The following RBFOX1 variants were observed in gnomAD, a reference collection of about 807,000 sequenced individuals.
The protein encoded by RBFOX1 is RNA binding protein fox-1 homolog 1.
Under a neutral mutation model 57.7 loss-of-function variants are expected in RBFOX1, and 8 were observed. The observed-to-expected ratio is 0.14, with a 90% CI of 0.08 to 0.25. The LOEUF (loss-of-function observed/expected upper bound fraction) is 0.25. Among genes scored for constraint, RBFOX1 ranks in the 10% least tolerant of loss-of-function variants. The pLI is 1.00. For synonymous variants in RBFOX1, 326 were observed against 222.4 expected, an observed-to-expected ratio of 1.47 and a Z score of -4.15; for missense variants, 611 against 548.5, an observed-to-expected ratio of 1.11 and a Z score of -1.14.
chr16:6,361,547 G>C (rs1231999591), intron 2 of RBFOX1, among the ~76,000 whole-genome samples: 2 of 151,606 alleles, frequency 1.3e-5, no homozygotes, highest in Non-Finnish European at 2.9e-5. Flanking sequence ...AGAATCGCTT[G>C]AACCCAGGAG....
chr16:7,146,476 G>C (rs1255911792), intron 4 of RBFOX1, among the ~76,000 whole-genome samples: 1 of 152,176 alleles, frequency 6.6e-6, no homozygotes, highest in Non-Finnish European at 1.5e-5. Context: ...ATGAACAAAG[G>C]TGGTCTTCAG....
At chr16:6,310,453 G>A (rs11077028) in intron 1 of RBFOX1, among the ~76,000 whole-genome samples, 10,979 of 152,224 alleles carry the variant, frequency 0.072, 454 homozygotes, top group African/African-American at 0.098. Flanking sequence ...TAGGCGTAGC[G>A]CTTGGCTGTT....
intron 3 of RBFOX1, among the ~76,000 whole-genome samples, chr16:5,717,846 G>A (rs901595487): frequency 2.6e-5 from 4 of 152,300 alleles, no homozygotes; most frequent in Admixed American, 2.6e-4. Flanking sequence ...AGATAGATAG[G>A]TATTTTTGAC....
chr16:5,268,625 C>T (rs1408669317), intron 1 of RBFOX1, among the ~76,000 whole-genome samples: 1 of 152,192 alleles, frequency 6.6e-6, no homozygotes. Flanking sequence ...GCCATTTGCA[C>T]TGGGAGCCAT....
chr16:5,913,837 C>G (rs1036481801), intron 4 of RBFOX1, among the ~76,000 whole-genome samples: 1 of 152,220 alleles, frequency 6.6e-6, no homozygotes, highest in Non-Finnish European at 1.5e-5. Flanking sequence ...GTCTTCGTAC[C>G]TATCATGTAC....
At chr16:5,386,775 G>C (rs184812017) in intron 1 of RBFOX1, among the ~76,000 whole-genome samples, 34 of 152,318 alleles carry the variant, frequency 2.2e-4, no homozygotes, top group African/African-American at 7.5e-4. Context: ...TTTGGGCCAG[G>C]CGTGGTGGCT....
intron 1 of RBFOX1, among the ~76,000 whole-genome samples, chr16:5,345,394 C>A (rs1238042955): frequency 6.6e-6 from 1 of 152,174 alleles, no homozygotes; most frequent in African/African-American, 2.4e-5. Flanking sequence ...CCATTCAAAC[C>A]CAACTAAAGC....
intron 3 of RBFOX1, among the ~76,000 whole-genome samples, chr16:5,822,759 T>C (rs1015904814): frequency 2.0e-5 from 3 of 152,134 alleles, no homozygotes; most frequent in Non-Finnish European, 4.4e-5. Context: ...TTGGAAGGAA[T>C]TGGAGATGGT....
rs9936387 is a variant in RBFOX1 at position 7,589,764 on chromosome 16, T to G, written c.468+2464T>G. ...TTAATGGTTCAGAAACCTGAACTGTTGCTATGGCCTCATTTTCATCGTTTG... is the reference window on the plus strand; with the variant it reads ...TTAATGGTTCAGAAACCTGAACTGTGGCTATGGCCTCATTTTCATCGTTTG... On this transcript the variant is annotated intron_variant, in intron 7 of 15. Transcript: ENST00000550418. Among the ~76,000 whole-genome samples the G allele has an allele frequency of 4.9e-3, 740 of 152,180 alleles. 8 individuals are homozygous for G. The highest frequency in any genetic ancestry group is 0.017 in the African/African-American group (697 of 41,522).
intron 2 of RBFOX1, among the ~76,000 whole-genome samples, chr16:6,395,574 C>T (rs11864527): frequency 0.091 from 12,328 of 135,430 alleles, 983 homozygotes; most frequent in African/African-American, 0.25. Context: ...TGTGAAAAAA[C>T]ATATAATTAT....
chr16:6,632,470 A>G lies in RBFOX1; in HGVS notation c.-63-22133A>G, dbSNP rs368842954. On this transcript the variant is annotated intron_variant, in intron 2 of 15. Coordinates refer to ENST00000550418, the MANE Select transcript of RBFOX1 (RefSeq NM_018723.4). ...GTGGTTATGAGGATAGTGTTACAGT[A>G]TTTCCTTGGCTAAGTGTCTGTGGCT... Among the ~76,000 whole-genome samples, 33 of 152,326 alleles carry G rather than the reference A, an allele frequency of 2.2e-4. 1 individual carries two copies. In the East Asian group the frequency reaches 5.2e-3, roughly 24 times the overall value.
At chr16:6,492,627 T>G (rs1391254725) in intron 2 of RBFOX1, among the ~76,000 whole-genome samples, 1 of 152,186 alleles carries the variant, frequency 6.6e-6, no homozygotes, top group Non-Finnish European at 1.5e-5. Flanking sequence ...ACCCAGCCTT[T>G]CTGCCTCTGG....
intron 2 of RBFOX1, among the ~76,000 whole-genome samples, chr16:6,559,924 C>T (rs77729130): frequency 0.029 from 4,412 of 152,144 alleles, 231 homozygotes; most frequent in African/African-American, 0.095. Flanking sequence ...ATTAATTGAA[C>T]TCATATTGCA....
At chr16:6,840,084 G>A (rs1281374380) in intron 3 of RBFOX1, among the ~76,000 whole-genome samples, 3 of 152,050 alleles carry the variant, frequency 2.0e-5, no homozygotes, top group African/African-American at 7.2e-5. Context: ...AAATTAAAAT[G>A]CTGATCAGTA....
intron 1 of RBFOX1, among the ~76,000 whole-genome samples, chr16:6,233,072 T>C (rs9940160): frequency 0.02 from 3,079 of 152,264 alleles, 103 homozygotes; most frequent in African/African-American, 0.07. Flanking sequence ...AGGGAAATTC[T>C]TGTAGTTTAC....
At chr16:6,475,044 C>T (rs111450547) in intron 2 of RBFOX1, among the ~76,000 whole-genome samples, 228 of 152,276 alleles carry the variant, frequency 1.5e-3, no homozygotes, top group African/African-American at 5.4e-3. Flanking sequence ...TATACAGTAA[C>T]ATCCCAATTG....
chr16:6,915,211 T>C (rs748288707), intron 3 of RBFOX1, among the ~76,000 whole-genome samples: 8 of 152,158 alleles, frequency 5.3e-5, no homozygotes, highest in Non-Finnish European at 1.2e-4. Context: ...CCCACTCCCT[T>C]GTTCTCCTAG....
intron 3 of RBFOX1, among the ~76,000 whole-genome samples, chr16:6,863,387 A>C (rs1443893083): frequency 6.6e-6 from 1 of 152,096 alleles, no homozygotes; most frequent in South Asian, 2.1e-4. Context: ...TGTATGGCTA[A>C]AGATTCAAAG....
intron 12 of RBFOX1, among the ~76,000 whole-genome samples, chr16:7,656,476 G>T (rs1001808630): frequency 8.6e-5 from 13 of 151,904 alleles, no homozygotes; most frequent in Non-Finnish European, 5.9e-5. Context: ...TGTTCAGGGA[G>T]AGCAAGAACC....
Sources: allele counts gnomAD v4.1 joint callset (sites outside exome capture counted in the v4.1 genomes callset), GRCh38; gene constraint gnomAD v4.1.1; transcripts MANE v1.5; gene names NCBI Gene and HGNC (gene_info 2026-07-23, HGNC 2026-07-21).